LOXHD1: variants seen among roughly 807,000 people sequenced by gnomAD.
LOXHD1 encodes the protein lipoxygenase homology PLAT domains 1.
In LOXHD1, 205 loss-of-function variants were observed where a neutral mutation model predicts 248.2. The ratio of observed to expected loss-of-function variants is 0.83; its 90% CI spans 0.74 to 0.93. LOXHD1 has a LOEUF of 0.93. LOXHD1 is among the 40% of genes least tolerant of loss of function. The pLI is 0.00. For synonymous variants in LOXHD1, 1,113 were observed against 1,162.8 expected (o/e 0.96, Z 0.87); for missense variants, 2,930 against 2,971.6 (o/e 0.99, Z 0.33).
At chr18:46,614,877 CTATT>C (rs1302219723) in intron 5 of LOXHD1, among the ~76,000 whole-genome samples, 2 of 152,046 alleles carry the variant, frequency 1.3e-5, no homozygotes, top group Non-Finnish European at 2.9e-5. Context: ...TTCTTCGAAA[CTATT>C]TATATAAGAT....
intron 16 of LOXHD1, 77 bp from the exon 17 acceptor site, chr18:46,566,526 A>C: frequency 2.4e-6 from 3 of 1,274,180 alleles, no homozygotes; most frequent in Non-Finnish European, 3.3e-6. Context: ...ACCTCCCCAA[A>C]CACCAGCACA....
chr18:46,601,195 T>A (rs1340516481), intron 8 of LOXHD1, 22 bp downstream of exon 8: 1 of 1,544,378 alleles, frequency 6.5e-7, no homozygotes, highest in Non-Finnish European at 8.8e-7. Context: ...CAGGGAAGGC[T>A]GTCTCTGGGG....
chr18:46,569,678 G>A, intron 15 of LOXHD1, 40 bp from the exon 16 acceptor site: 1 of 1,497,076 alleles, frequency 6.7e-7, no homozygotes, highest in Non-Finnish European at 9.1e-7. Context: ...GAAGGGGTTA[G>A]TGCAGGGGGT....
intron 4 of LOXHD1, among the ~76,000 whole-genome samples, chr18:46,629,156 G>T (rs2038786004): frequency 6.6e-6 from 1 of 152,124 alleles, no homozygotes; most frequent in South Asian, 2.1e-4. Flanking sequence ...GACTCCAAGA[G>T]ACCCCCTAGT....
chr18:46,634,634 G>T (rs777082520), intron 4 of LOXHD1, among the ~76,000 whole-genome samples: 22 of 152,084 alleles, frequency 1.4e-4, no homozygotes, highest in Non-Finnish European at 2.8e-4. Flanking sequence ...GTAGGCCTAT[G>T]CAAGCATTCC....
chr18:46,604,334 C>A, intron 6 of LOXHD1, 105 bp from the exon 7 acceptor site: 1 of 1,433,314 alleles, frequency 7.0e-7, no homozygotes, highest in South Asian at 1.4e-5. Context: ...TAAGAATGTA[C>A]TGATATCTGT....
chr18:46,644,210 T>C (rs1278065220), intron 2 of LOXHD1, among the ~76,000 whole-genome samples: 1 of 152,208 alleles, frequency 6.6e-6, no homozygotes, highest in Non-Finnish European at 1.5e-5. Context: ...GGCTTCATCT[T>C]CTGATGGTGC....
chr18:46,484,184 G>A (rs992070307), intron 39 of LOXHD1, among the ~76,000 whole-genome samples: 1 of 152,106 alleles, frequency 6.6e-6, no homozygotes, highest in East Asian at 1.9e-4. Context: ...AGAAGGTATG[G>A]GTGCAGGCAG....
rs2038499105 is a variant in LOXHD1 at position 46,610,940 on chromosome 18, T to C, written c.611-16A>G. On this transcript the variant is annotated splice_polypyrimidine_tract_variant and intron_variant, in intron 5 of 40. Coordinates refer to ENST00000642948, the MANE Select transcript of LOXHD1 (RefSeq NM_001384474.1). ...CTACGCTCCCCTGTATGCACAGACA[T>C]ACAAAAGAAATTACAAAAAGACCAG... 6.5e-7 allele frequency: 1 copy of C among 1,549,358 alleles called. No individual in the cohort carries two copies. The highest frequency in any genetic ancestry group is 8.7e-7 in the Non-Finnish European group (1 of 1,146,340).
chr18:46,569,711 T>C, intron 15 of LOXHD1, 73 bp from the exon 16 acceptor site: 4 of 1,244,592 alleles, frequency 3.2e-6, no homozygotes, highest in Non-Finnish European at 4.5e-6. Flanking sequence ...GGTGCGTGTA[T>C]AGGAGGGCAG....
Position 46,610,834 on chromosome 18 carries a change from A to C in LOXHD1, c.701T>G (p.Met234Arg). 1 of 1,551,792 alleles carries C rather than the reference A, an allele frequency of 6.4e-7. No homozygotes were observed. Among genetic ancestry groups the C allele is most frequent in the Non-Finnish European group, 8.7e-7 (1 of 1,147,008 alleles). Reference sequence around the variant, plus strand: ...ATTGTTGTGGCCAACATTGATCTTCATCAGCTGCCCCAAATCCGGGGCATC... The same window carrying C: ...ATTGTTGTGGCCAACATTGATCTTCCTCAGCTGCCCCAAATCCGGGGCATC... ...ILDAPDLGQLMKINVGHNNKG... is the reference protein window; with the variant it reads ...ILDAPDLGQLRKINVGHNNKG... Residue 234 changes from methionine (M) to arginine (R), a missense_variant, in exon 6 of 41, where the codon ATG (methionine) becomes AGG (arginine). Met to Arg is a moderately conservative substitution (Grantham distance 91). Coordinates refer to ENST00000642948, the MANE Select transcript of LOXHD1 (RefSeq NM_001384474.1).
At chr18:46,616,849 AGAAAGTAATC>A (rs1264104449) in intron 5 of LOXHD1, among the ~76,000 whole-genome samples, 2 of 152,224 alleles carry the variant, frequency 1.3e-5, no homozygotes. Flanking sequence ...TTGTTTTTAT[AGAAAGTAATC>A]TGCCAAATCT....
chr18:46,559,233 A>G, intron 20 of LOXHD1: 1 of 1,504,478 alleles, frequency 6.6e-7, no homozygotes, highest in African/African-American at 1.4e-5. Context: ...CAGCTGGCCC[A>G]TGGGCTCTAG....
intron 4 of LOXHD1, among the ~76,000 whole-genome samples, chr18:46,625,301 C>T (rs1235376307): frequency 1.3e-5 from 2 of 152,162 alleles, no homozygotes; most frequent in African/African-American, 4.8e-5. Flanking sequence ...TGCATTTGAC[C>T]TCAGCCAAGC....
chr18:46,512,640 C>T (rs2035033926), intron 34 of LOXHD1, among the ~76,000 whole-genome samples: 1 of 152,236 alleles, frequency 6.6e-6, no homozygotes. Flanking sequence ...ACTGATGGGG[C>T]TCCATGGCCA....
intron 6 of LOXHD1, among the ~76,000 whole-genome samples, chr18:46,609,153 T>C (rs566001724): frequency 1.2e-4 from 18 of 152,306 alleles, no homozygotes; most frequent in Admixed American, 9.8e-4. Context: ...GGAACATAGA[T>C]AAGATGCCTA....
chr18:46,555,124 C>T (rs1375395322), intron 21 of LOXHD1: 2 of 470,992 alleles, frequency 4.2e-6, no homozygotes, highest in Non-Finnish European at 8.8e-6. Context: ...GAATTACTAA[C>T]CCTGATGGAG....
Position 46,623,719 on chromosome 18 carries a change from C to T in LOXHD1, c.512-5429G>A, listed in dbSNP as rs114509952. Reference sequence around the variant, plus strand: ...TCCAGAAAAGGCAGACACTGGCAGGCCCGAACTGCCTGCCTGCGCCTGGTG... The same window carrying T: ...TCCAGAAAAGGCAGACACTGGCAGGTCCGAACTGCCTGCCTGCGCCTGGTG... On this transcript the variant is annotated intron_variant, in intron 4 of 40. Coordinates refer to ENST00000642948, the MANE Select transcript of LOXHD1 (RefSeq NM_001384474.1). Among the ~76,000 whole-genome samples the T allele has an allele frequency of 2.5e-3, 377 of 152,342 alleles. 3 individuals carry two copies. Among genetic ancestry groups the T allele is most frequent in the African/African-American group, 8.1e-3 (338 of 41,568 alleles).
chr18:46,562,680 T>C (rs1435318719), intron 18 of LOXHD1, among the ~76,000 whole-genome samples: 2 of 152,130 alleles, frequency 1.3e-5, no homozygotes, highest in African/African-American at 2.4e-5. Flanking sequence ...TTTTGCAAGA[T>C]TAGAATCACC....
Sources: gnomAD v4.1 joint callset for allele counts (sites outside exome capture counted in the v4.1 genomes callset) on GRCh38, gnomAD v4.1.1 for gene constraint, MANE v1.5 for transcripts, NCBI Gene and HGNC (gene_info 2026-07-23, HGNC 2026-07-21) for gene names.